SNX6: variants seen among roughly 807,000 people sequenced by gnomAD.
The protein encoded by SNX6 is sorting nexin-6.
In SNX6, 34 loss-of-function variants were observed where a neutral mutation model predicts 63.0. The observed-to-expected ratio is 0.54, with a 90% CI of 0.41 to 0.72. The LOEUF (loss-of-function observed/expected upper bound fraction) is 0.72. Among genes scored for constraint, SNX6 ranks in the 30% least tolerant of loss-of-function variants. The pLI is 0.00. For missense variants in SNX6, 398 were observed against 471.4 expected (o/e 0.84, Z 1.44); for synonymous variants, 170 against 164.2 (o/e 1.04, Z -0.27).
At chr14:34,629,352 A>G (rs1883948356) in intron 2 of SNX6, 1 of 366,714 alleles carries the variant, frequency 2.7e-6, no homozygotes, top group African/African-American at 2.1e-5. Flanking sequence ...TAGAAAAAGT[A>G]AAGATACCAT....
rs118029978 is a variant in SNX6, at chr14:34,602,028, G to A, written c.516+1320C>T. On this transcript the variant is annotated intron_variant, in intron 6 of 13. Transcript: ENST00000362031. ...TACAAACAGGCCAGGTGCGGCTCAC[G>A]CCTCTAATCCCAGCACTTTGGGAGG... Among the ~76,000 whole-genome samples the A allele has an allele frequency of 7.5e-3, 1,111 of 147,196 alleles. 5 individuals carry two copies. Among genetic ancestry groups the A allele is most frequent in the Middle Eastern group, 0.031 (9 of 288 alleles).
chr14:34,610,273 G>C (rs535441552), intron 2 of SNX6, among the ~76,000 whole-genome samples: 1 of 140,460 alleles, frequency 7.1e-6, no homozygotes, highest in Admixed American at 8.0e-5. Flanking sequence ...CAGAAGGCTT[G>C]CTTGAGCCTA....
At chr14:34,604,208 G>A in intron 5 of SNX6, 1 of 1,288,940 alleles carries the variant, frequency 7.8e-7, no homozygotes, top group African/African-American at 1.5e-5. Flanking sequence ...AGACAAAAAA[G>A]AAGGATGCAG....
At chr14:34,565,828 C>T (rs967312061) in intron 13 of SNX6, among the ~76,000 whole-genome samples, 3 of 151,764 alleles carry the variant, frequency 2.0e-5, no homozygotes. Context: ...TAGCTGGGAC[C>T]ACAGGCGCCC....
chr14:34,611,823 G>A (rs1475402117), intron 2 of SNX6, among the ~76,000 whole-genome samples: 2 of 149,350 alleles, frequency 1.3e-5, no homozygotes, highest in Admixed American at 1.3e-4. Flanking sequence ...CTGTCACCCA[G>A]ACTGGAGTGC....
chr14:34,589,942 C>G (rs943047447), intron 8 of SNX6, among the ~76,000 whole-genome samples: 2 of 152,090 alleles, frequency 1.3e-5, no homozygotes, highest in African/African-American at 4.8e-5. Flanking sequence ...AAGACCCTGT[C>G]TCTACCCCCT....
Position 34,603,328 on chromosome 14 carries a change from CCAAT to C in SNX6, c.516+16_516+19del, listed in dbSNP as rs764605514. 2 of 1,571,386 alleles carry C rather than the reference CCAAT, an allele frequency of 1.3e-6. No homozygotes were observed. The highest frequency in any genetic ancestry group is 1.4e-5 in the African/African-American group (1 of 71,984). ...GAAGAAGAAAAAGAAAACTTGACCACCAATCAATGTGATACTCACATCTTGATTA... is the reference window on the plus strand; with the variant it reads ...GAAGAAGAAAAAGAAAACTTGACCACCAATGTGATACTCACATCTTGATTA... On this transcript the variant is annotated intron_variant, in intron 6 of 13. Transcript: ENST00000362031.
At chr14:34,619,748 G>A (rs1005217073) in intron 2 of SNX6, among the ~76,000 whole-genome samples, 4 of 152,024 alleles carry the variant, frequency 2.6e-5, no homozygotes, top group African/African-American at 9.7e-5. Flanking sequence ...TTTCCAGTCT[G>A]TCGGCACTCC....
chr14:34,615,616 C>CA (rs1566490875), intron 2 of SNX6, among the ~76,000 whole-genome samples: 3 of 151,688 alleles, frequency 2.0e-5, no homozygotes. Flanking sequence ...TTCTCCTTTT[C>CA]TTTTTTTTTC....
intron 7 of SNX6, 42 bp from the exon 8 acceptor site, chr14:34,593,192 G>C: frequency 7.8e-7 from 1 of 1,275,860 alleles, no homozygotes; most frequent in Non-Finnish European, 1.1e-6. Flanking sequence ...TCACTTATTT[G>C]CTTTAGTTTT....
intron 2 of SNX6, chr14:34,629,314 C>A: frequency 2.9e-6 from 1 of 342,848 alleles, no homozygotes; most frequent in Non-Finnish European, 5.8e-6. Flanking sequence ...CCAAGGAAAT[C>A]CTGCCAAAGA....
At chr14:34,627,424 G>A (rs927546400) in intron 2 of SNX6, among the ~76,000 whole-genome samples, 2 of 151,052 alleles carry the variant, frequency 1.3e-5, no homozygotes, top group Non-Finnish European at 2.9e-5. Context: ...TCGGGCCTTC[G>A]GCCTGGGCGA....
chr14:34,627,526 G>A (rs537120517), intron 2 of SNX6, among the ~76,000 whole-genome samples: 1 of 151,656 alleles, frequency 6.6e-6, no homozygotes, highest in South Asian at 2.1e-4. Context: ...GCCCAGGCTG[G>A]AGTGCAATGG....
At chr14:34,568,294 G>A (rs562370804) in intron 11 of SNX6, among the ~76,000 whole-genome samples, 56 of 150,818 alleles carry the variant, frequency 3.7e-4, no homozygotes, top group East Asian at 2.0e-3. Flanking sequence ...GCAGTGGCGC[G>A]ATCTCAGCTC....
At chr14:34,607,124 C>T (rs182854271) in intron 4 of SNX6, among the ~76,000 whole-genome samples, 1 of 152,106 alleles carries the variant, frequency 6.6e-6, no homozygotes, top group East Asian at 1.9e-4. Context: ...TCTCCTTAAT[C>T]CCTAGGACAA....
At chr14:34,579,824 C>T (rs1254390294) in intron 10 of SNX6, among the ~76,000 whole-genome samples, 1 of 146,174 alleles carries the variant, frequency 6.8e-6, no homozygotes, top group Non-Finnish European at 1.5e-5. Flanking sequence ...CCTGTCTCTA[C>T]CAAAAAAAAA....
At chr14:34,603,306 G>A (rs750943089) in intron 6 of SNX6, 42 bp downstream of exon 6, 2 of 1,549,846 alleles carry the variant, frequency 1.3e-6, no homozygotes, top group East Asian at 2.3e-5. Flanking sequence ...AGAAGAAGAA[G>A]AAGAAAAAGA....
chr14:34,609,996 G>C (rs1883163064), intron 2 of SNX6, among the ~76,000 whole-genome samples: 2 of 151,996 alleles, frequency 1.3e-5, no homozygotes, highest in Non-Finnish European at 2.9e-5. Context: ...CTTTGTGTAA[G>C]TCACTGAGTT....
chr14:34,622,143 G>T (rs537042364), intron 2 of SNX6, among the ~76,000 whole-genome samples: 2 of 150,690 alleles, frequency 1.3e-5, no homozygotes, highest in South Asian at 2.1e-4. Flanking sequence ...TGTATTTTTA[G>T]TACAGTTGGG....
Sources: gnomAD v4.1 joint callset for allele counts (sites outside exome capture counted in the v4.1 genomes callset) on GRCh38, gnomAD v4.1.1 for gene constraint, MANE v1.5 for transcripts, NCBI Gene and HGNC (gene_info 2026-07-23, HGNC 2026-07-21) for gene names.